EPHX4: variants seen among roughly 807,000 people sequenced by gnomAD.
The protein encoded by EPHX4 is abhydrolase domain containing 7.
EPHX4 carries 31 observed loss-of-function variants against 44.9 expected under a neutral mutation model. That is an observed-to-expected ratio of 0.69 (90% CI 0.52 to 0.93). The LOEUF is 0.93. EPHX4 is among the 40% of genes least tolerant of loss of function. The pLI is 0.00. For missense variants in EPHX4, 373 were observed against 438.1 expected, an observed-to-expected ratio of 0.85 and a Z score of 1.33; for synonymous variants, 151 against 159.7, an observed-to-expected ratio of 0.95 and a Z score of 0.41.
chr1:92,054,738 A>C (rs1647327703), intron 6 of EPHX4, among the ~76,000 whole-genome samples: 1 of 152,106 alleles, frequency 6.6e-6, no homozygotes, highest in African/African-American at 2.4e-5. Flanking sequence ...AAATATGAGA[A>C]AAGAATAAGG....
chr1:92,030,308 A>C lies in EPHX4; in HGVS notation c.229A>C (p.Lys77Gln). 6.4e-7 allele frequency: 1 copy of C among 1,556,286 alleles called. No homozygotes were observed. The highest frequency in any genetic ancestry group is 2.4e-5 in the East Asian group (1 of 40,976). ...SLGTHCYVRI[K>Q]DSGLRFHYVA... ...GGGCACCCACTGCTACGTGCGGATC[A>C]AGGTGAAGGGCCGCGCGGGCCTGGC... Residue 77 changes from lysine (K) to glutamine (Q), a missense_variant and splice_region_variant, in exon 1 of 7, where the codon AAG becomes CAG. Lys to Gln is a moderately conservative substitution (Grantham distance 53, BLOSUM62 1). Transcript: ENST00000370383.
intron 6 of EPHX4, among the ~76,000 whole-genome samples, chr1:92,058,986 T>G (rs1557887067): frequency 6.6e-6 from 1 of 152,128 alleles, no homozygotes; most frequent in Non-Finnish European, 1.5e-5. Flanking sequence ...TCATTAAACT[T>G]TATATTCTCT....
chr1:92,057,384 A>T (rs1439547860), intron 6 of EPHX4, among the ~76,000 whole-genome samples: 1 of 152,208 alleles, frequency 6.6e-6, no homozygotes, highest in Non-Finnish European at 1.5e-5. Context: ...TGTAACAGAC[A>T]TTAAGGTATA....
At chr1:92,049,354 G>A (rs981802199) in intron 4 of EPHX4, among the ~76,000 whole-genome samples, 1 of 152,058 alleles carries the variant, frequency 6.6e-6, no homozygotes, top group Non-Finnish European at 1.5e-5. Flanking sequence ...CTACTATGTA[G>A]CAGTCCCTCC....
Position 92,052,567 on chromosome 1 carries a change from T to A in EPHX4, c.766T>A (p.Leu256Ile). Reference protein sequence around the residue: ...STGIGRKGCQLTTEDLEAYIY... With the variant: ...STGIGRKGCQITTEDLEAYIY... ...TGGCATTGGAAGAAAAGGATGCCAA[T>A]TAACAACAGAGGATCTTGAAGCTTA... Residue 256 changes from leucine (L) to isoleucine (I), a missense_variant, in exon 6 of 7, where the codon TTA becomes ATA. Coordinates refer to ENST00000370383, the MANE Select transcript of EPHX4 (RefSeq NM_173567.5). 6.2e-7 allele frequency: 1 copy of A among 1,612,892 alleles called. No homozygotes were observed. The highest frequency in any genetic ancestry group is 8.5e-7 in the Non-Finnish European group (1 of 1,179,492).
At chr1:92,051,997 G>C (rs1232704807) in intron 5 of EPHX4, among the ~76,000 whole-genome samples, 2 of 152,064 alleles carry the variant, frequency 1.3e-5, no homozygotes, top group African/African-American at 2.4e-5. Flanking sequence ...ACAACTTTTA[G>C]AGTAATGAAT....
At chr1:92,043,355 A>T (rs1688537243) in intron 3 of EPHX4, 1 of 153,984 alleles carries the variant, frequency 6.5e-6, no homozygotes, top group African/African-American at 2.4e-5. Flanking sequence ...TACTAAAAAT[A>T]CAAAAATTAG....
chr1:92,030,492 G>GTGTGTGTGTGTGTGTGTGT (rs1557880299), intron 1 of EPHX4, among the ~76,000 whole-genome samples, 182 bp downstream of exon 1: 99 of 97,084 alleles, frequency 1.0e-3, no homozygotes, highest in Admixed American at 2.8e-3. Context: ...GTGTGAGAGA[G>GTGTGTGTGTGTGTGTGTGT]AGAGAGAGAG....
intron 3 of EPHX4, 84 bp downstream of exon 3, chr1:92,043,064 G>GGAAT: frequency 8.7e-7 from 1 of 1,155,404 alleles, no homozygotes; most frequent in Non-Finnish European, 1.2e-6. Context: ...TTCTTGGGAG[G>GGAAT]ATGCATATTC....
chr1:92,052,838 G>C (rs1355267754), intron 6 of EPHX4, among the ~76,000 whole-genome samples, 180 bp downstream of exon 6: 1 of 152,136 alleles, frequency 6.6e-6, no homozygotes, highest in African/African-American at 2.4e-5. Context: ...AAAGTAGACA[G>C]AGTAATATAA....
Position 92,063,236 on chromosome 1 carries a change from A to C in EPHX4, c.1039A>C (p.Asn347His). 1 of 1,613,130 alleles carries C rather than the reference A, an allele frequency of 6.2e-7. No individual in the cohort carries two copies. Among genetic ancestry groups the C allele is most frequent in the Non-Finnish European group, 8.5e-7 (1 of 1,179,200 alleles). ...TCAGCAAGACCAACCTGACATAGTGAACAAATTGATATGGACATTTCTAAA... is the reference window on the plus strand; with the variant it reads ...TCAGCAAGACCAACCTGACATAGTGCACAAATTGATATGGACATTTCTAAA... ...WLQQDQPDIV[N>H]KLIWTFLKEE... Residue 347 changes from asparagine (N) to histidine (H), a missense_variant, in exon 7 of 7, where the codon AAC (asparagine) becomes CAC (histidine). Asn to His is a moderately conservative substitution (Grantham distance 68). Transcript: ENST00000370383.
At chr1:92,044,337 G>A (rs1442561850) in intron 3 of EPHX4, among the ~76,000 whole-genome samples, 1 of 152,074 alleles carries the variant, frequency 6.6e-6, no homozygotes, top group Non-Finnish European at 1.5e-5. Context: ...GTCAGACCTG[G>A]CCTAAATTTG....
chr1:92,052,524 G>A lies in EPHX4; in HGVS notation c.723G>A (p.Leu241=). Reference sequence around the variant, plus strand: ...ACTTAAATTAGGTTTTGAAACATCTGTTTACCAGTCACAGCACTGGCATTG... The same window carrying A: ...ACTTAAATTAGGTTTTGAAACATCTATTTACCAGTCACAGCACTGGCATTG... ...SINDFKVLKH[L]FTSHSTGIGR... Residue 241 remains leucine (L), a synonymous_variant, in exon 6 of 7, where the codon CTG becomes CTA. Coordinates refer to ENST00000370383, the MANE Select transcript of EPHX4 (RefSeq NM_173567.5). 2 of 1,603,172 alleles carry A rather than the reference G, an allele frequency of 1.2e-6. No homozygotes were observed. The highest frequency in any genetic ancestry group is 1.1e-5 in the South Asian group (1 of 87,822).
chr1:92,046,908 A>G (rs1688590822), intron 4 of EPHX4, among the ~76,000 whole-genome samples: 1 of 152,162 alleles, frequency 6.6e-6, no homozygotes, highest in Admixed American at 6.6e-5. Context: ...GCATTGTAAG[A>G]TGTTTGTTCA....
chr1:92,051,632 G>C (rs1647255690), intron 5 of EPHX4, among the ~76,000 whole-genome samples: 1 of 152,056 alleles, frequency 6.6e-6, no homozygotes, highest in Non-Finnish European at 1.5e-5. Context: ...ATTTGAAAAG[G>C]ATACTTAATA....
chr1:92,052,712 G>A, intron 6 of EPHX4, 54 bp downstream of exon 6: 2 of 1,424,686 alleles, frequency 1.4e-6, no homozygotes, highest in Non-Finnish European at 1.9e-6. Context: ...GATCCTACAG[G>A]GACAATATTT....
intron 6 of EPHX4, among the ~76,000 whole-genome samples, chr1:92,062,584 C>CAAAAAAAAAAAAAAAAAAAAAA (rs1167530513): frequency 5.0e-5 from 1 of 20,090 alleles, no homozygotes. Flanking sequence ...AACTCCATCT[C>CAAAAAAAAAAAAAAAAAAAAAA]AAAAAAAAAA....
intron 6 of EPHX4, among the ~76,000 whole-genome samples, chr1:92,060,533 A>G (rs1433627255): frequency 1.3e-5 from 2 of 152,146 alleles, no homozygotes; most frequent in African/African-American, 4.8e-5. Flanking sequence ...ACTTAATGCA[A>G]CTTCAGTGAA....
At chr1:92,033,464 T>G (rs1275993250) in intron 2 of EPHX4, among the ~76,000 whole-genome samples, 2 of 151,956 alleles carry the variant, frequency 1.3e-5, no homozygotes, top group Non-Finnish European at 2.9e-5. Flanking sequence ...AAAGGAGATT[T>G]TAAACAAACC....
Sources: gnomAD v4.1 joint callset for allele counts (sites outside exome capture counted in the v4.1 genomes callset) on GRCh38, gnomAD v4.1.1 for gene constraint, MANE v1.5 for transcripts, NCBI Gene and HGNC (gene_info 2026-07-23, HGNC 2026-07-21) for gene names.